The following CATSPERT variants were observed in gnomAD, a reference collection of about 807,000 sequenced individuals.
The protein encoded by CATSPERT is cation channel sperm-associated targeting subunit tau.
At chr2:201,493,429 T>TTTAGG in the CATSPERT span, 2 of 1,537,202 alleles carry the variant, frequency 1.3e-6, no homozygotes, top group Middle Eastern at 1.7e-4. Flanking sequence ...TTGGGAATCC[T>TTTAGG]TTAGGTTTCC....
chr2:201,564,215 T>A, the CATSPERT span, among the ~76,000 whole-genome samples: 3 of 152,226 alleles, frequency 2.0e-5, no homozygotes, highest in Non-Finnish European at 4.4e-5. Context: ...CAGCTTCAAA[T>A]CATTTCAATT....
At chr2:201,588,789 G>C in the CATSPERT span, among the ~76,000 whole-genome samples, 25 of 151,848 alleles carry the variant, frequency 1.6e-4, no homozygotes, top group African/African-American at 6.0e-4. Context: ...AGAAATAAAA[G>C]GTATCCCAAT....
chr2:201,526,001 G>A, the CATSPERT span, among the ~76,000 whole-genome samples: 6 of 152,118 alleles, frequency 3.9e-5, no homozygotes, highest in East Asian at 3.9e-4. Context: ...AAAAGCCCAG[G>A]ACCAGATAAT....
the CATSPERT span, among the ~76,000 whole-genome samples, chr2:201,561,226 T>A: frequency 6.6e-6 from 1 of 152,210 alleles, no homozygotes; most frequent in Admixed American, 6.5e-5. Flanking sequence ...AGTAAACAAA[T>A]GAAAATTGCA....
the CATSPERT span, chr2:201,545,647 A>G: frequency 6.2e-4 from 515 of 834,144 alleles, 1 homozygote; most frequent in African/African-American, 7.6e-3. Flanking sequence ...AAAAAAAAAA[A>G]AAAAAAGAAA....
the CATSPERT span, chr2:201,494,324 T>C: frequency 2.0e-6 from 3 of 1,537,176 alleles, no homozygotes; most frequent in South Asian, 1.2e-5. Flanking sequence ...TTGAGTATCA[T>C]TGATTGTTTT....
the CATSPERT span, among the ~76,000 whole-genome samples, chr2:201,611,482 G>A: frequency 1.3e-5 from 2 of 152,066 alleles, no homozygotes; most frequent in Non-Finnish European, 1.5e-5. Context: ...AAGAGGAAAG[G>A]TTAGAACAAT....
the CATSPERT span, among the ~76,000 whole-genome samples, chr2:201,520,310 C>A: frequency 8.5e-5 from 13 of 152,124 alleles, 1 homozygote; most frequent in African/African-American, 3.1e-4. Context: ...ACATCATAGA[C>A]CAAAGGGACT....
At chr2:201,523,862 C>A in the CATSPERT span, among the ~76,000 whole-genome samples, 122 of 152,072 alleles carry the variant, frequency 8.0e-4, 1 homozygote, top group Non-Finnish European at 6.3e-4. Flanking sequence ...TCAGAAGCAT[C>A]AAAAGCAGAA....
the CATSPERT span, chr2:201,493,007 C>A: frequency 6.5e-7 from 1 of 1,536,526 alleles, no homozygotes. Context: ...TCTTGGAGTT[C>A]TTCAAGGTGT....
chr2:201,519,101 C>G, the CATSPERT span, among the ~76,000 whole-genome samples: 1 of 152,174 alleles, frequency 6.6e-6, no homozygotes, highest in Admixed American at 6.5e-5. Flanking sequence ...GGTTTAGTTC[C>G]CTTCTCCATT....
chr2:201,495,816 TA>T, the CATSPERT span: 1 of 958,462 alleles, frequency 1.0e-6, no homozygotes, highest in African/African-American at 1.7e-5. Context: ...AGTAGCTTTT[TA>T]GAACTATTGA....
the CATSPERT span, chr2:201,491,974 T>G: frequency 2.6e-6 from 4 of 1,537,112 alleles, no homozygotes; most frequent in Non-Finnish European, 3.5e-6. Flanking sequence ...CTGGATATTT[T>G]CATTGGAAGA....
chr2:201,563,360 C>T, the CATSPERT span, among the ~76,000 whole-genome samples: 5 of 128,228 alleles, frequency 3.9e-5, no homozygotes, highest in East Asian at 2.3e-4. Context: ...GCTGGCCGGG[C>T]GGGGGGCTTG....
chr2:201,573,726 G>T, the CATSPERT span, among the ~76,000 whole-genome samples: 2 of 151,894 alleles, frequency 1.3e-5, no homozygotes, highest in Non-Finnish European at 2.9e-5. Flanking sequence ...GTGTGATCTT[G>T]GCTCACTACA....
At chr2:201,522,547 GC>G in the CATSPERT span, among the ~76,000 whole-genome samples, 2 of 152,152 alleles carry the variant, frequency 1.3e-5, no homozygotes, top group East Asian at 3.9e-4. Flanking sequence ...CTCATTCCTG[GC>G]CCCAAGCAGC....
At chr2:201,544,294 T>C in the CATSPERT span, among the ~76,000 whole-genome samples, 1 of 152,166 alleles carries the variant, frequency 6.6e-6, no homozygotes, top group South Asian at 2.1e-4. Context: ...GTCTTTGCTA[T>C]TGTGAATAGT....
At chr2:201,524,007 C>T in the CATSPERT span, among the ~76,000 whole-genome samples, 1 of 151,574 alleles carries the variant, frequency 6.6e-6, no homozygotes, top group African/African-American at 2.4e-5. Context: ...AGAAACCAGC[C>T]CTACAACTCA....
chr2:201,531,109 C>A, the CATSPERT span, among the ~76,000 whole-genome samples: 6 of 151,532 alleles, frequency 4.0e-5, no homozygotes, highest in African/African-American at 1.5e-4. Context: ...TACAGGCGCC[C>A]GCCACCACGC....
Sources: allele counts gnomAD v4.1 joint callset (sites outside exome capture counted in the v4.1 genomes callset), GRCh38; gene constraint gnomAD v4.1.1; transcripts MANE v1.5; gene names NCBI Gene and HGNC (gene_info 2026-07-23, HGNC 2026-07-21).